PRKN: variants seen among roughly 807,000 people sequenced by gnomAD.
The protein encoded by PRKN is E3 ubiquitin-protein ligase parkin.
A neutral mutation model predicts 59.5 loss-of-function variants in PRKN; 56 were observed. That is an observed-to-expected ratio of 0.94 (90% CI 0.76 to 1.18). The LOEUF (loss-of-function observed/expected upper bound fraction) is 1.18. Ranked by LOEUF, PRKN falls within the 50% of genes most tolerant of loss-of-function variation. PRKN has a pLI of 0.00. For synonymous variants in PRKN, 250 were observed against 222.1 expected (o/e 1.13, Z -1.12); for missense variants, 657 against 596.4 (o/e 1.10, Z -1.06).
intron 9 of PRKN, among the ~76,000 whole-genome samples, chr6:161,435,097 C>T (rs150483433): frequency 3.7e-4 from 57 of 152,226 alleles, no homozygotes; most frequent in African/African-American, 1.3e-3. Context: ...TGTGAACAGA[C>T]AGATCTGGTG....
At chr6:161,698,842 T>C (rs1786129871) in intron 7 of PRKN, among the ~76,000 whole-genome samples, 2 of 152,152 alleles carry the variant, frequency 1.3e-5, no homozygotes, top group African/African-American at 4.8e-5. Flanking sequence ...ATAAAAGTTC[T>C]AGCAGAAAAC....
intron 4 of PRKN, among the ~76,000 whole-genome samples, chr6:162,144,738 GAGCAAAA>G (rs1781946090): frequency 6.6e-6 from 1 of 152,154 alleles, no homozygotes; most frequent in South Asian, 2.1e-4. Context: ...AGCTTGGCAT[GAGCAAAA>G]AGCAAACAGC....
chr6:161,416,264 G>T (rs1411839771), intron 9 of PRKN, among the ~76,000 whole-genome samples: 1 of 152,056 alleles, frequency 6.6e-6, no homozygotes, highest in African/African-American at 2.4e-5. Context: ...GCCCTTTACT[G>T]AAAAGTGCGG....
chr6:162,268,947 A>G (rs890864263), intron 2 of PRKN, among the ~76,000 whole-genome samples: 1 of 152,240 alleles, frequency 6.6e-6, no homozygotes, highest in African/African-American at 2.4e-5. Flanking sequence ...ACGGGGCTGT[A>G]TAGGAGGTAG....
intron 4 of PRKN, among the ~76,000 whole-genome samples, chr6:162,151,306 C>A (rs1413445144): frequency 6.6e-6 from 1 of 152,302 alleles, no homozygotes; most frequent in East Asian, 1.9e-4. Flanking sequence ...GGTGCACCAG[C>A]ATTTCCCTCC....
At chr6:162,165,953 C>T (rs974711735) in intron 4 of PRKN, among the ~76,000 whole-genome samples, 9 of 145,186 alleles carry the variant, frequency 6.2e-5, no homozygotes, top group African/African-American at 2.3e-4. Flanking sequence ...GAGGCTGAAA[C>T]AGGAGAACTG....
chr6:162,336,700 C>A (rs1562681393), intron 2 of PRKN, among the ~76,000 whole-genome samples: 1 of 152,180 alleles, frequency 6.6e-6, no homozygotes, highest in Admixed American at 6.6e-5. Flanking sequence ...TTAATCTCCA[C>A]ATCAGAATAC....
intron 9 of PRKN, among the ~76,000 whole-genome samples, chr6:161,403,326 C>G (rs566312710): frequency 6.6e-6 from 1 of 152,132 alleles, no homozygotes; most frequent in South Asian, 2.1e-4. Flanking sequence ...TAAAAAAGCA[C>G]AAAAAAGCCA....
intron 6 of PRKN, among the ~76,000 whole-genome samples, chr6:161,949,038 C>T (rs1779886122): frequency 6.6e-6 from 1 of 152,170 alleles, no homozygotes; most frequent in Non-Finnish European, 1.5e-5. Flanking sequence ...TGCAGGGCTG[C>T]AGGGAAGCCT....
Position 161,373,085 on chromosome 6 carries a change from C to T in PRKN, c.1168-12880G>A, listed in dbSNP as rs1221846705. 6.6e-6 allele frequency among the ~76,000 whole-genome samples: 1 copy of T among 152,066 alleles called. No homozygotes were observed. Among genetic ancestry groups the T allele is most frequent in the African/African-American group, 2.4e-5 (1 of 41,400 alleles). On this transcript the variant is annotated intron_variant, in intron 10 of 11. Coordinates refer to ENST00000366898, the MANE Select transcript of PRKN (RefSeq NM_004562.3). The surrounding 1 kb of genome is among the most constrained non-coding windows in gnomAD (Gnocchi z 4.8). ...CCTGGCCTCCCAAAGTGTGGGGCTG[C>T]CGGTGTGAACCACCACACTCGGTAG...
chr6:162,280,715 G>A (rs1459624761), intron 2 of PRKN, among the ~76,000 whole-genome samples: 1 of 146,432 alleles, frequency 6.8e-6, no homozygotes, highest in African/African-American at 2.5e-5. Flanking sequence ...TGCTTGAACT[G>A]AGACCTGGAA....
At chr6:161,913,291 T>C (rs1220018564) in intron 6 of PRKN, among the ~76,000 whole-genome samples, 2 of 151,274 alleles carry the variant, frequency 1.3e-5, no homozygotes, top group African/African-American at 2.4e-5. Flanking sequence ...GCAATACATA[T>C]GCCAAGAGAC....
chr6:161,948,194 C>A (rs1001227992), intron 6 of PRKN, among the ~76,000 whole-genome samples: 1 of 152,074 alleles, frequency 6.6e-6, no homozygotes, highest in African/African-American at 2.4e-5. Context: ...ACCATGTTGG[C>A]CAGGCTGGTC....
chr6:162,484,476 G>A (rs1189468342), intron 1 of PRKN, among the ~76,000 whole-genome samples: 2 of 152,124 alleles, frequency 1.3e-5, no homozygotes, highest in East Asian at 3.9e-4. Context: ...ACTGACTTTT[G>A]GCTTGAGTAT....
At chr6:162,479,996 T>A (rs567903389) in intron 1 of PRKN, among the ~76,000 whole-genome samples, 2 of 150,678 alleles carry the variant, frequency 1.3e-5, no homozygotes, top group South Asian at 4.2e-4. Flanking sequence ...ACCCGGGAGG[T>A]GGAGGTTGCA....
intron 2 of PRKN, among the ~76,000 whole-genome samples, chr6:162,280,113 C>A (rs927137237): frequency 6.6e-6 from 1 of 152,046 alleles, no homozygotes; most frequent in Non-Finnish European, 1.5e-5. Context: ...TGGGTACTGA[C>A]TTTTTATCCA....
At chr6:161,973,665 A>G (rs1780912889) in intron 5 of PRKN, among the ~76,000 whole-genome samples, 1 of 152,184 alleles carries the variant, frequency 6.6e-6, no homozygotes, top group Admixed American at 6.5e-5. Context: ...GAGCTGGAGA[A>G]ATACGCTGTG....
At chr6:162,592,306 G>GT (rs1781342733) in intron 1 of PRKN, among the ~76,000 whole-genome samples, 1 of 152,134 alleles carries the variant, frequency 6.6e-6, no homozygotes, top group African/African-American at 2.4e-5. Flanking sequence ...CCTCATTCTT[G>GT]TAACAGCTCT....
intron 4 of PRKN, among the ~76,000 whole-genome samples, chr6:162,054,894 G>T (rs186386883): frequency 7.5e-4 from 114 of 152,268 alleles, no homozygotes; most frequent in African/African-American, 2.6e-3. Flanking sequence ...GTGCACGGTG[G>T]CTCATTCCTA....
Sources: gnomAD v4.1 joint callset for allele counts (sites outside exome capture counted in the v4.1 genomes callset) on GRCh38, gnomAD v4.1.1 for gene constraint, Gnocchi (gnomAD v3.1) non-coding constraint, MANE v1.5 for transcripts, NCBI Gene and HGNC (gene_info 2026-07-23, HGNC 2026-07-21) for gene names.